The following FAM227B variants were observed in gnomAD, a reference collection of about 807,000 sequenced individuals.
FAM227B encodes the protein protein FAM227B.
A neutral mutation model predicts 73.8 loss-of-function variants in FAM227B; 88 were observed. The observed-to-expected ratio is 1.19, with a 90% confidence interval of 1.00 to 1.42. The LOEUF (loss-of-function observed/expected upper bound fraction) is 1.42, where lower values mean the gene tolerates loss of function less well. FAM227B is among the 40% of genes most tolerant of loss of function. The probability of loss-of-function intolerance (pLI) is 0.00; values close to 1 mark genes in which losing one functional copy is unlikely to be tolerated. For missense variants in FAM227B, 632 were observed against 590.9 expected (o/e 1.07, Z -0.72); for synonymous variants, 210 against 190.5 (o/e 1.10, Z -0.84).
At chr15:49,527,257 T>C (rs942628927) in intron 10 of FAM227B, among the ~76,000 whole-genome samples, 1 of 151,906 alleles carries the variant, frequency 6.6e-6, no homozygotes, top group Admixed American at 6.6e-5. Context: ...TAATGTGATA[T>C]ATTATATAAA....
chr15:49,416,065 A>C (rs755953807), intron 11 of FAM227B, among the ~76,000 whole-genome samples: 4 of 151,694 alleles, frequency 2.6e-5, no homozygotes, highest in African/African-American at 9.7e-5. Context: ...CTTCAGGTTC[A>C]TTCACCTCTC....
At chr15:49,371,561 AAAT>A (rs1443472271) in intron 11 of FAM227B, among the ~76,000 whole-genome samples, 162 bp from the exon 12 acceptor site, 1 of 152,070 alleles carries the variant, frequency 6.6e-6, no homozygotes, top group Non-Finnish European at 1.5e-5. Flanking sequence ...CCCAAAGAGG[AAAT>A]AAATATTTCA....
intron 13 of FAM227B, among the ~76,000 whole-genome samples, chr15:49,354,254 G>A (rs939179928): frequency 7.9e-5 from 12 of 152,340 alleles, no homozygotes; most frequent in Non-Finnish European, 1.5e-4. Context: ...CAAGATGGCC[G>A]AATAGGAACA....
At chr15:49,362,301 T>A (rs1364260583) in intron 13 of FAM227B, among the ~76,000 whole-genome samples, 4 of 152,128 alleles carry the variant, frequency 2.6e-5, no homozygotes, top group Non-Finnish European at 5.9e-5. Context: ...TGTATGGCAC[T>A]TCCCCCTTCA....
intron 11 of FAM227B, among the ~76,000 whole-genome samples, chr15:49,472,319 C>T (rs1162947292): frequency 6.6e-6 from 1 of 152,212 alleles, no homozygotes; most frequent in Non-Finnish European, 1.5e-5. Flanking sequence ...GTTCCATAAT[C>T]TCTTTGTTCT....
intron 3 of FAM227B, among the ~76,000 whole-genome samples, chr15:49,602,584 A>G (rs2077274748): frequency 1.3e-5 from 2 of 152,118 alleles, no homozygotes; most frequent in African/African-American, 4.8e-5. Flanking sequence ...ATTTCCTCCC[A>G]TTCTATGGGC....
chr15:49,410,923 A>G (rs2048828469), intron 11 of FAM227B, among the ~76,000 whole-genome samples: 1 of 151,108 alleles, frequency 6.6e-6, no homozygotes, highest in African/African-American at 2.4e-5. Flanking sequence ...AGTTTTCTAG[A>G]AACCTGAAGC....
At chr15:49,374,477 T>C (rs2046031679) in intron 11 of FAM227B, among the ~76,000 whole-genome samples, 1 of 152,220 alleles carries the variant, frequency 6.6e-6, no homozygotes, top group Non-Finnish European at 1.5e-5. Flanking sequence ...TATGTGATCT[T>C]AGCAAATAAA....
intron 11 of FAM227B, among the ~76,000 whole-genome samples, chr15:49,497,155 G>C (rs1196712186): frequency 6.6e-6 from 1 of 152,148 alleles, no homozygotes; most frequent in Non-Finnish European, 1.5e-5. Flanking sequence ...TAAAAATAAA[G>C]CTCAGAGGGG....
At chr15:49,494,570 T>G (rs1458619437) in intron 11 of FAM227B, among the ~76,000 whole-genome samples, 1 of 152,134 alleles carries the variant, frequency 6.6e-6, no homozygotes, top group African/African-American at 2.4e-5. Flanking sequence ...TGCAATCCTC[T>G]CAGTTGGAGG....
chr15:49,485,291 A>G (rs1236530700), intron 11 of FAM227B: 1 of 152,374 alleles, frequency 6.6e-6, no homozygotes, highest in East Asian at 1.9e-4. Flanking sequence ...TAAAATTGAG[A>G]AATCTTTAAG....
chr15:49,400,874 G>A (rs867731424), intron 11 of FAM227B, among the ~76,000 whole-genome samples: 2 of 151,108 alleles, frequency 1.3e-5, no homozygotes, highest in Admixed American at 6.6e-5. Context: ...AGACTTAAAC[G>A]TTAGACCTAA....
At chr15:49,431,800 T>C (rs951484543) in intron 11 of FAM227B, among the ~76,000 whole-genome samples, 1 of 151,708 alleles carries the variant, frequency 6.6e-6, no homozygotes, top group African/African-American at 2.4e-5. Flanking sequence ...AAGTTTCTCA[T>C]AAAATATAGC....
intron 13 of FAM227B, among the ~76,000 whole-genome samples, chr15:49,340,858 T>G (rs1288469297): frequency 6.6e-6 from 1 of 152,142 alleles, no homozygotes; most frequent in African/African-American, 2.4e-5. Context: ...TACAGAATGG[T>G]GTTTTCTAGG....
chr15:49,572,135 TTTC>T (rs1182096715), intron 8 of FAM227B, among the ~76,000 whole-genome samples: 2 of 152,088 alleles, frequency 1.3e-5, no homozygotes, highest in South Asian at 2.1e-4. Flanking sequence ...GTTTTCTTGA[TTTC>T]TTTTTTGTAT....
At chr15:49,606,264 C>A (rs2077514072) in intron 3 of FAM227B, 1 of 151,960 alleles carries the variant, frequency 6.6e-6, no homozygotes, top group Non-Finnish European at 1.5e-5. Context: ...GGAGTCATTT[C>A]TCCTAAGTAT....
intron 10 of FAM227B, among the ~76,000 whole-genome samples, chr15:49,526,775 T>C (rs4774539): frequency 0.7 from 106,586 of 151,844 alleles, 37,713 homozygotes; most frequent in East Asian, 0.92. Flanking sequence ...CATCTCTATG[T>C]GTACAAACTA....
At position 49,371,292 on chromosome 15, in the gene FAM227B, T is replaced by C. The variant is rs760888893; in HGVS notation, c.1110+10A>G. ...GTAAGAAATTTTTTCATAATTATTA[T>C]ACTCCAAACCTTTGTTGCTAGTCTT... On this transcript the variant is annotated intron_variant, in intron 12 of 15. Transcript: ENST00000299338. 1.3e-6 allele frequency: 2 copies of C among 1,517,332 alleles called. No individual in the cohort carries two copies. Among genetic ancestry groups the C allele is most frequent in the South Asian group, 1.2e-5 (1 of 85,884 alleles). The allele number at this position is 1,517,332 out of a possible 1,614,324, so 94.0% of individuals were successfully genotyped here.
intron 5 of FAM227B, among the ~76,000 whole-genome samples, chr15:49,586,514 G>C (rs2076173373): frequency 6.6e-6 from 1 of 152,108 alleles, no homozygotes; most frequent in African/African-American, 2.4e-5. Flanking sequence ...AAATGCAATT[G>C]CAACAAAAGC....
Sources: allele counts gnomAD v4.1 joint callset (sites outside exome capture counted in the v4.1 genomes callset), GRCh38; gene constraint gnomAD v4.1.1; transcripts MANE v1.5; gene names NCBI Gene and HGNC (gene_info 2026-07-23, HGNC 2026-07-21).